MACROD2: variants seen among roughly 807,000 people sequenced by gnomAD.
MACROD2 encodes the protein mono-ADP ribosylhydrolase 2.
A neutral mutation model predicts 70.4 loss-of-function variants in MACROD2; 36 were observed. That is an observed-to-expected ratio of 0.51 (90% CI 0.39 to 0.68). The LOEUF is 0.68. MACROD2 is among the 30% of genes least tolerant of loss of function. The pLI is 0.00. For missense variants in MACROD2, 496 were observed against 538.4 expected (o/e 0.92, Z 0.78); for synonymous variants, 172 against 178.8 (o/e 0.96, Z 0.30).
intron 3 of MACROD2, among the ~76,000 whole-genome samples, chr20:14,267,498 T>C (rs2122337649): frequency 6.6e-6 from 1 of 152,214 alleles, no homozygotes; most frequent in Admixed American, 6.5e-5. Flanking sequence ...CTAATCTTTC[T>C]CAAGTATCTA....
chr20:14,120,485 C>T (rs1243006671), intron 3 of MACROD2, among the ~76,000 whole-genome samples: 1 of 151,668 alleles, frequency 6.6e-6, no homozygotes, highest in Admixed American at 6.6e-5. Context: ...GGATCTAGAA[C>T]CAGAAATACC....
At chr20:15,067,873 C>T (rs1400788857) in intron 5 of MACROD2, among the ~76,000 whole-genome samples, 2 of 152,086 alleles carry the variant, frequency 1.3e-5, no homozygotes, top group Non-Finnish European at 2.9e-5. Flanking sequence ...AATGTGGAGT[C>T]TCAAGGAACA....
At chr20:15,890,059 A>C (rs1195664384) in intron 10 of MACROD2, among the ~76,000 whole-genome samples, 2 of 152,046 alleles carry the variant, frequency 1.3e-5, no homozygotes, top group African/African-American at 4.8e-5. Flanking sequence ...AAAACACTTC[A>C]CCTGTGGTAT....
At chr20:14,305,181 C>G (rs1265471889) in intron 3 of MACROD2, among the ~76,000 whole-genome samples, 3 of 152,096 alleles carry the variant, frequency 2.0e-5, no homozygotes, top group Admixed American at 6.6e-5. Flanking sequence ...GTTTTAAGCT[C>G]AAATGATCAC....
chr20:14,846,417 G>T (rs2073141405), intron 5 of MACROD2, among the ~76,000 whole-genome samples: 1 of 151,410 alleles, frequency 6.6e-6, no homozygotes, highest in African/African-American at 2.4e-5. Context: ...TAAAGATGGG[G>T]TTTCACCATG....
intron 8 of MACROD2, among the ~76,000 whole-genome samples, chr20:15,585,368 T>C (rs1259432198): frequency 2.6e-5 from 4 of 151,976 alleles, no homozygotes; most frequent in Non-Finnish European, 5.9e-5. Flanking sequence ...AGATAATTTT[T>C]TGTATTTTTA....
chr20:15,411,346 T>C (rs2046076899), intron 6 of MACROD2, among the ~76,000 whole-genome samples: 1 of 152,218 alleles, frequency 6.6e-6, no homozygotes, highest in African/African-American at 2.4e-5. Context: ...CTGCTTTTAC[T>C]GAAATGGCTT....
intron 3 of MACROD2, among the ~76,000 whole-genome samples, chr20:14,131,860 G>A (rs1028894960): frequency 1.3e-4 from 19 of 151,958 alleles, no homozygotes; most frequent in African/African-American, 4.1e-4. Flanking sequence ...GGCCGCGCGC[G>A]GTGGCTCACG....
At chr20:14,482,744 G>A (rs961442447) in intron 3 of MACROD2, among the ~76,000 whole-genome samples, 1 of 151,688 alleles carries the variant, frequency 6.6e-6, no homozygotes, top group African/African-American at 2.4e-5. Context: ...GTCTTCATAT[G>A]CTACAGTAGT....
intron 3 of MACROD2, among the ~76,000 whole-genome samples, chr20:14,391,506 A>AT (rs1418585663): frequency 2.0e-5 from 3 of 152,130 alleles, no homozygotes; most frequent in Non-Finnish European, 4.4e-5. Context: ...ATCAGGAAAA[A>AT]TAACTAATGG....
chr20:15,330,195 T>C lies in MACROD2; in HGVS notation c.540+100134T>C, dbSNP rs561107425. 2.6e-5 allele frequency among the ~76,000 whole-genome samples: 4 copies of C among 152,242 alleles called. No individual in the cohort carries two copies. In the East Asian group the frequency reaches 7.7e-4, roughly 29 times the overall value. On this transcript the variant is annotated intron_variant, in intron 6 of 17. Coordinates refer to ENST00000684519, the MANE Select transcript of MACROD2 (RefSeq NM_001351661.2). ...AAAACTTATATTAAATAAATCTGCA[T>C]TTATTTAATATCTTCTTTGTATGGA...
chr20:15,768,211 G>T (rs2051560771), intron 8 of MACROD2, among the ~76,000 whole-genome samples: 1 of 151,972 alleles, frequency 6.6e-6, no homozygotes, highest in Non-Finnish European at 1.5e-5. Context: ...GTCTTGTTAT[G>T]CAGTTTCATC....
intron 5 of MACROD2, among the ~76,000 whole-genome samples, chr20:15,118,463 G>A (rs774085698): frequency 2.0e-5 from 3 of 152,114 alleles, no homozygotes; most frequent in Non-Finnish European, 4.4e-5. Flanking sequence ...AGTGGTGGGA[G>A]TGCAAGCATG....
intron 5 of MACROD2, among the ~76,000 whole-genome samples, chr20:14,841,900 T>C (rs541866821): frequency 2.0e-5 from 3 of 152,118 alleles, no homozygotes; most frequent in Non-Finnish European, 2.9e-5. Context: ...CCCCCTTTCC[T>C]ACCCCATTTA....
chr20:15,937,098 C>T (rs774649158), intron 11 of MACROD2, among the ~76,000 whole-genome samples: 3 of 152,142 alleles, frequency 2.0e-5, no homozygotes, highest in Non-Finnish European at 4.4e-5. Flanking sequence ...TAGAAACATG[C>T]ACATAAAAGC....
intron 3 of MACROD2, among the ~76,000 whole-genome samples, chr20:14,476,576 C>T (rs1420169385): frequency 1.3e-5 from 2 of 152,046 alleles, no homozygotes; most frequent in Non-Finnish European, 2.9e-5. Flanking sequence ...AGGCTGGTCT[C>T]GAACTCCTGG....
intron 3 of MACROD2, among the ~76,000 whole-genome samples, chr20:14,298,917 T>C (rs947220961): frequency 6.6e-6 from 1 of 152,136 alleles, no homozygotes; most frequent in Non-Finnish European, 1.5e-5. Flanking sequence ...GGATGAAGAG[T>C]TGCTCCTTAT....
intron 4 of MACROD2, among the ~76,000 whole-genome samples, chr20:14,498,946 A>G (rs1024441582): frequency 6.6e-6 from 1 of 152,168 alleles, no homozygotes; most frequent in Admixed American, 6.5e-5. Context: ...GCTGGGAGGA[A>G]TCTAGGATAG....
At chr20:14,304,628 C>CTT (rs2082504270) in intron 3 of MACROD2, among the ~76,000 whole-genome samples, 1 of 152,154 alleles carries the variant, frequency 6.6e-6, no homozygotes, top group African/African-American at 2.4e-5. Flanking sequence ...ATTTCAAAAG[C>CTT]TCTCTGTTAG....
Sources: gnomAD v4.1 joint callset for allele counts (sites outside exome capture counted in the v4.1 genomes callset) on GRCh38, gnomAD v4.1.1 for gene constraint, MANE v1.5 for transcripts, NCBI Gene and HGNC (gene_info 2026-07-23, HGNC 2026-07-21) for gene names.